ITPRIPL2: variants seen among roughly 807,000 people sequenced by gnomAD.
ITPRIPL2 encodes ITPRIP like 2, also known as inositol 1,4,5-trisphosphate receptor-interacting protein-like 2.
A neutral mutation model predicts 31.7 loss-of-function variants in ITPRIPL2; 29 were observed. The ratio of observed to expected loss-of-function variants is 0.91; its 90% CI spans 0.68 to 1.25. ITPRIPL2 has a LOEUF of 1.25. ITPRIPL2 is among the 50% of genes most tolerant of loss of function. The pLI, the probability that ITPRIPL2 is intolerant of heterozygous loss-of-function variation, is 0.00. For missense variants in ITPRIPL2, 696 were observed against 739.1 expected (o/e 0.94, Z 0.68); for synonymous variants, 344 against 343.4 (o/e 1.00, Z -0.02).
Position 19,114,029 on chromosome 16 carries a change from G to C in ITPRIPL2, c.-433G>C, listed in dbSNP as rs1449589189. 3.0e-5 allele frequency: 12 copies of C among 397,152 alleles called. No individual in the cohort carries two copies. The East Asian group carries it at 4.3e-4, about 14-fold the overall frequency. 24.6% of individuals were successfully genotyped at this position (397,152 alleles called of 1,614,324 possible). A position where few individuals can be genotyped will look rare whatever the true frequency, so the allele number is the denominator to read the frequency against. The stretch of plus-strand genomic sequence containing the variant: ...CATTTCCTCCCCGCTAGCTGGCGCG[G>C]CCTCGCCTCCCCCTCGGAAGAGGAA... On this transcript the variant is annotated 5_prime_UTR_variant, in exon 1 of 1. Coordinates refer to ENST00000381440, the MANE Select transcript of ITPRIPL2 (RefSeq NM_001034841.4).
chr16:19,113,964 G>C lies in ITPRIPL2; in HGVS notation c.-498G>C, dbSNP rs1024857991. The C allele has an allele frequency of 5.2e-6, 2 of 386,486 alleles. No homozygotes were observed. Among genetic ancestry groups the C allele is most frequent in the Non-Finnish European group, 9.2e-6 (2 of 218,142 alleles). The allele number at this position is 386,486 out of a possible 1,614,324, so 23.9% of individuals were successfully genotyped here. A position where few individuals can be genotyped will look rare whatever the true frequency, so the allele number is the denominator to read the frequency against. On this transcript the variant is annotated 5_prime_UTR_variant, in exon 1 of 1. Transcript: ENST00000381440. ...TAAGGCGGAGGCCCGGGAGGGGGCCGACCCGGCTCGCCAGCTCCACGCTCG... is the reference window on the plus strand; with the variant it reads ...TAAGGCGGAGGCCCGGGAGGGGGCCCACCCGGCTCGCCAGCTCCACGCTCG...
chr16:19,114,892 C>T lies in ITPRIPL2; in HGVS notation c.431C>T (p.Pro144Leu). ...GRARGSPGLI[P>L]GGALALAFRG... ...GCCCGGGGGTCCCCCGGTCTCATTC[C>T]TGGGGGAGCGCTGGCCTTGGCCTTC... The change falls in exon 1 of 1, where the codon CCT becomes CTT. Residue 144 changes from proline to leucine, a missense_variant. Pro to Leu is a moderately conservative substitution (Grantham distance 98). Coordinates refer to ENST00000381440, the MANE Select transcript of ITPRIPL2 (RefSeq NM_001034841.4). 6.2e-7 allele frequency: 1 copy of T among 1,609,514 alleles called. No individual in the cohort carries two copies. The highest frequency in any genetic ancestry group is 1.3e-5 in the African/African-American group (1 of 74,876).
In ITPRIPL2 at chr16:19,120,500, GA is replaced by G. The variant is rs1254391110; in HGVS notation, c.*4432del. The stretch of plus-strand genomic sequence containing the variant: ...TTTACAGGCTGGGGTGCGGTGGGAT[GA>G]TCTTGGCTCACTGCAATCTCCTCCT... On this transcript the variant is annotated 3_prime_UTR_variant, in exon 1 of 1. Transcript: ENST00000381440. The G allele has an allele frequency of 7.0e-6, 1 of 142,582 alleles. No individual in the cohort carries two copies. The highest frequency in any genetic ancestry group is 1.5e-5 in the Non-Finnish European group (1 of 66,140). The allele number at this position is 142,582 out of a possible 1,614,324, so 8.8% of individuals were successfully genotyped here.
In ITPRIPL2 at chr16:19,121,527, T is replaced by G. The variant is rs1963521251; in HGVS notation, c.*5458T>G. On this transcript the variant is annotated 3_prime_UTR_variant, in exon 1 of 1. Coordinates refer to ENST00000381440, the MANE Select transcript of ITPRIPL2 (RefSeq NM_001034841.4). ...CCCACAGTCAAGACCTGCCATTCGT[T>G]TTCTCTTGCAGGTTGGAGTAAATTT... 6.0e-6 allele frequency: 1 copy of G among 167,082 alleles called. No individual in the cohort carries two copies. Among genetic ancestry groups the G allele is most frequent in the Non-Finnish European group, 1.5e-5 (1 of 68,124 alleles). The allele number at this position is 167,082 out of a possible 1,614,324, so 10.3% of individuals were successfully genotyped here. A position where few individuals can be genotyped will look rare whatever the true frequency, so the allele number is the denominator to read the frequency against.
Position 19,115,014 on chromosome 16 carries a change from C to T in ITPRIPL2, c.553C>T (p.Leu185Phe). The T allele has an allele frequency of 6.3e-7, 1 of 1,598,964 alleles. No individual in the cohort carries two copies. Among genetic ancestry groups the T allele is most frequent in the Non-Finnish European group, 8.5e-7 (1 of 1,179,406 alleles). Reference protein sequence around the residue: ...DVLVPLRLPPLVALEPRSLGE... With the variant: ...DVLVPLRLPPFVALEPRSLGE... ...GCTGGTGCCACTGCGCCTCCCGCCG[C>T]TTGTGGCGCTGGAGCCACGGAGCCT... The change falls in exon 1 of 1, where the codon CTT becomes TTT. Residue 185 changes from leucine (L) to phenylalanine (F), a missense_variant. Transcript: ENST00000381440.
chr16:19,115,711 G>T lies in ITPRIPL2; in HGVS notation c.1250G>T (p.Arg417Leu), dbSNP rs759664422. 3.1e-6 allele frequency: 5 copies of T among 1,612,952 alleles called. No individual in the cohort carries two copies. The highest frequency in any genetic ancestry group is 4.2e-6 in the Non-Finnish European group (5 of 1,179,966). Reference sequence around the variant, plus strand: ...ACAGTGCTGCTGGCAGTGCTGCTGCGCAAGGGGGCCCCTGGGCAAGGCTGG... The same window carrying T: ...ACAGTGCTGCTGGCAGTGCTGCTGCTCAAGGGGGCCCCTGGGCAAGGCTGG... ...LKTVLLAVLL[R>L]KGAPGQGWDE... The change falls in exon 1 of 1, where the codon CGC becomes CTC. Residue 417 changes from arginine to leucine, a missense_variant. Coordinates refer to ENST00000381440, the MANE Select transcript of ITPRIPL2 (RefSeq NM_001034841.4).
In ITPRIPL2 at chr16:19,117,214, C is replaced by T. The variant is rs1384393243; in HGVS notation, c.*1145C>T. 1 of 167,128 alleles carries T rather than the reference C, an allele frequency of 6.0e-6. No individual in the cohort carries two copies. Among genetic ancestry groups the T allele is most frequent in the Non-Finnish European group, 1.5e-5 (1 of 68,140 alleles). 10.4% of individuals were successfully genotyped at this position (167,128 alleles called of 1,614,324 possible). On this transcript the variant is annotated 3_prime_UTR_variant, in exon 1 of 1. Transcript: ENST00000381440. ...TTAGCATGTGGTTTGTGCTGGGTCT[C>T]TAACCATTGATGGTTCTTCCTTGTC...
rs1471054999 is a variant in ITPRIPL2, at chr16:19,118,930, C to T, written c.*2861C>T. 2.4e-6 allele frequency: 1 copy of T among 413,338 alleles called. No homozygotes were observed. Among genetic ancestry groups the T allele is most frequent in the Non-Finnish European group, 4.4e-6 (1 of 226,134 alleles). 25.6% of individuals were successfully genotyped at this position (413,338 alleles called of 1,614,324 possible). ...TTATGTCCTTCATCTGAAATGTACACATTTTTGGTGTATGCTTGGTACTGG... is the reference window on the plus strand; with the variant it reads ...TTATGTCCTTCATCTGAAATGTACATATTTTTGGTGTATGCTTGGTACTGG... On this transcript the variant is annotated 3_prime_UTR_variant, in exon 1 of 1. Coordinates refer to ENST00000381440, the MANE Select transcript of ITPRIPL2 (RefSeq NM_001034841.4).
Position 19,114,374 on chromosome 16 carries a change from G to T in ITPRIPL2, c.-88G>T, listed in dbSNP as rs927316691. On this transcript the variant is annotated 5_prime_UTR_variant, in exon 1 of 1. Coordinates refer to ENST00000381440, the MANE Select transcript of ITPRIPL2 (RefSeq NM_001034841.4). ...AGGAGGAGACGGGGACAGCGGGGCTGCCCGGGCGCTGTGCGCATGCTGGGC... is the reference window on the plus strand; with the variant it reads ...AGGAGGAGACGGGGACAGCGGGGCTTCCCGGGCGCTGTGCGCATGCTGGGC... 47 of 1,069,836 alleles carry T rather than the reference G, an allele frequency of 4.4e-5. No homozygotes were observed. The Middle Eastern group carries it at 9.2e-4, about 21-fold the overall frequency. The allele number at this position is 1,069,836 out of a possible 1,614,324, so 66.3% of individuals were successfully genotyped here.
At position 19,115,722 on chromosome 16, in the gene ITPRIPL2, C is replaced by T; in HGVS notation, c.1261C>T (p.Pro421Ser). The T allele has an allele frequency of 1.2e-6, 2 of 1,613,018 alleles. No homozygotes were observed. Among genetic ancestry groups the T allele is most frequent in the Non-Finnish European group, 1.7e-6 (2 of 1,179,984 alleles). Residue 421 changes from proline to serine, a missense_variant, in exon 1 of 1, where the codon CCT (proline) becomes TCT (serine). By Grantham distance (74) the Pro-to-Ser change is moderately conservative. Transcript: ENST00000381440. ...LLAVLLRKGA[P>S]GQGWDEEHLG... ...GGCAGTGCTGCTGCGCAAGGGGGCC[C>T]CTGGGCAAGGCTGGGACGAGGAGCA...
Position 19,116,115 on chromosome 16 carries a change from C to G in ITPRIPL2, c.*46C>G, listed in dbSNP as rs915089788. The G allele has an allele frequency of 2.0e-6, 3 of 1,502,418 alleles. No homozygotes were observed. The Admixed American group carries it at 6.6e-5, about 33-fold the overall frequency. 93.1% of individuals were successfully genotyped at this position (1,502,418 alleles called of 1,614,324 possible). On this transcript the variant is annotated 3_prime_UTR_variant, in exon 1 of 1. Transcript: ENST00000381440. ...TGACCAAATGCTCCTAAAGCCTTTC[C>G]CACTGGGTGGGGGTGGGAATGGCGG...
chr16:19,114,765 G>C lies in ITPRIPL2; in HGVS notation c.304G>C (p.Glu102Gln). The C allele has an allele frequency of 6.2e-7, 1 of 1,612,554 alleles. No individual in the cohort carries two copies. Reference protein sequence around the residue: ...FREPGLSILLESYYEHEVRLS... With the variant: ...FREPGLSILLQSYYEHEVRLS... Reference sequence around the variant, plus strand: ...AGAGCCGGGCCTCAGCATCCTGCTGGAGAGTTACTACGAGCATGAGGTGCG... The same window carrying C: ...AGAGCCGGGCCTCAGCATCCTGCTGCAGAGTTACTACGAGCATGAGGTGCG... Residue 102 changes from glutamate (E) to glutamine (Q), a missense_variant, in exon 1 of 1, where the codon GAG becomes CAG. Glu to Gln is a conservative substitution (Grantham distance 29). Coordinates refer to ENST00000381440, the MANE Select transcript of ITPRIPL2 (RefSeq NM_001034841.4).
rs1963435957 is a variant in ITPRIPL2 at position 19,115,828 on chromosome 16, T to A, written c.1367T>A (p.Leu456Gln). The A allele has an allele frequency of 6.2e-7, 1 of 1,612,792 alleles. No individual in the cohort carries two copies. Among genetic ancestry groups the A allele is most frequent in the Non-Finnish European group, 8.5e-7 (1 of 1,179,924 alleles). The change falls in exon 1 of 1, where the codon CTG becomes CAG. Residue 456 changes from leucine to glutamine, a missense_variant. Transcript: ENST00000381440. ...LRRHTLFHCV[L>Q]GPGGAAAEVG... ...CGCCATACGCTCTTCCACTGCGTCC[T>A]GGGCCCTGGTGGGGCGGCTGCCGAG...
At position 19,114,764 on chromosome 16, in the gene ITPRIPL2, GGA is replaced by G; in HGVS notation, c.307_308del (p.Ser103LeufsTer5). 6.2e-7 allele frequency: 1 copy of G among 1,612,616 alleles called. No homozygotes were observed. Among genetic ancestry groups the G allele is most frequent in the African/African-American group, 1.3e-5 (1 of 75,058 alleles). On this transcript the variant is annotated frameshift_variant, in exon 1 of 1. Coordinates refer to ENST00000381440, the MANE Select transcript of ITPRIPL2 (RefSeq NM_001034841.4). LOFTEE classifies it high-confidence loss of function. ...GAGAGCCGGGCCTCAGCATCCTGCT[GGA>G]GAGTTACTACGAGCATGAGGTGCGC... is the stretch of plus-strand genomic sequence containing the variant. ...FREPGLSILL[E>X]SYYEHEVRLS...
rs751330153 is a variant in ITPRIPL2, at chr16:19,115,866, C to T, written c.1405C>T (p.Pro469Ser). 3.7e-6 allele frequency: 6 copies of T among 1,611,832 alleles called. No individual in the cohort carries two copies. Among genetic ancestry groups the T allele is most frequent in the Non-Finnish European group, 5.1e-6 (6 of 1,179,702 alleles). ...GGCGGCTGCCGAGGTGGGTCCCCTG[C>T]CCAAGGCACTGAGGGAAGCCGCCCC... is the stretch of plus-strand genomic sequence containing the variant. ...GGAAAEVGPL[P>S]KALREAAPVD... Residue 469 changes from proline (P) to serine (S), a missense_variant, in exon 1 of 1, where the codon CCC (proline) becomes TCC (serine). Pro to Ser is a moderately conservative substitution (Grantham distance 74, BLOSUM62 -1). Transcript: ENST00000381440.
At position 19,116,109 on chromosome 16, in the gene ITPRIPL2, C is replaced by A; in HGVS notation, c.*40C>A. ...CCCACCTGACCAAATGCTCCTAAAG[C>A]CTTTCCCACTGGGTGGGGGTGGGAA... is the stretch of plus-strand genomic sequence containing the variant. On this transcript the variant is annotated 3_prime_UTR_variant, in exon 1 of 1. Coordinates refer to ENST00000381440, the MANE Select transcript of ITPRIPL2 (RefSeq NM_001034841.4). 6.6e-7 allele frequency: 1 copy of A among 1,510,962 alleles called. No individual in the cohort carries two copies. Among genetic ancestry groups the A allele is most frequent in the Non-Finnish European group, 8.9e-7 (1 of 1,124,678 alleles). The allele number at this position is 1,510,962 out of a possible 1,614,324, so 93.6% of individuals were successfully genotyped here.
In ITPRIPL2 at chr16:19,119,824, C is replaced by T. The variant is rs1245943440; in HGVS notation, c.*3755C>T. Reference sequence around the variant, plus strand: ...GCTGCTCTTTTTGAGTCAGATCCTACATCAAACCACTTAGGGCCAGTTTTT... The same window carrying T: ...GCTGCTCTTTTTGAGTCAGATCCTATATCAAACCACTTAGGGCCAGTTTTT... On this transcript the variant is annotated 3_prime_UTR_variant, in exon 1 of 1. Transcript: ENST00000381440. The T allele has an allele frequency of 6.0e-6, 1 of 167,070 alleles. No individual in the cohort carries two copies. Among genetic ancestry groups the T allele is most frequent in the Non-Finnish European group, 1.5e-5 (1 of 68,112 alleles). The allele number at this position is 167,070 out of a possible 1,614,324, so 10.3% of individuals were successfully genotyped here.
rs1236565339 is a variant in ITPRIPL2 at position 19,116,567 on chromosome 16, G to A, written c.*498G>A. On this transcript the variant is annotated 3_prime_UTR_variant, in exon 1 of 1. Transcript: ENST00000381440. The stretch of plus-strand genomic sequence containing the variant: ...TGAATCTTTATTTGCAACTGGAATT[G>A]AAGTTCTATTTTAGGGGCTAATGTT... 2 of 168,410 alleles carry A rather than the reference G, an allele frequency of 1.2e-5. No homozygotes were observed. Among genetic ancestry groups the A allele is most frequent in the South Asian group, 4.1e-4 (2 of 4,838 alleles). 10.4% of individuals were successfully genotyped at this position (168,410 alleles called of 1,614,324 possible). A position where few individuals can be genotyped will look rare whatever the true frequency, so the allele number is the denominator to read the frequency against.
rs1963463489 is a variant in ITPRIPL2, at chr16:19,117,840, G to C, written c.*1771G>C. 6.0e-6 allele frequency: 1 copy of C among 166,904 alleles called. No homozygotes were observed. Among genetic ancestry groups the C allele is most frequent in the Non-Finnish European group, 1.5e-5 (1 of 68,114 alleles). The allele number at this position is 166,904 out of a possible 1,614,324, so 10.3% of individuals were successfully genotyped here. ...GGCTTCTTATATCCTTTGCGACCTT[G>C]GGCTGAAAGAGAAACAGCTGCAAAT... On this transcript the variant is annotated 3_prime_UTR_variant, in exon 1 of 1. Coordinates refer to ENST00000381440, the MANE Select transcript of ITPRIPL2 (RefSeq NM_001034841.4).
Sources: allele counts gnomAD v4.1 joint callset, GRCh38; gene constraint gnomAD v4.1.1; transcripts MANE v1.5; gene names NCBI Gene and HGNC (gene_info 2026-07-23, HGNC 2026-07-21).